The following SHC4 variants were observed in gnomAD, a reference collection of about 807,000 sequenced individuals.
The protein encoded by SHC4 is SHC adaptor protein 4, also known as SHC-transforming protein 4.
SHC4 carries 41 observed loss-of-function variants against 69.4 expected under a neutral mutation model. The observed-to-expected ratio is 0.59, with a 90% CI of 0.46 to 0.77. The LOEUF is 0.77. SHC4 is among the 30% of genes least tolerant of loss of function. SHC4 has a pLI of 0.00. For missense variants in SHC4, 777 were observed against 783.8 expected, an observed-to-expected ratio of 0.99 and a Z score of 0.10; for synonymous variants, 318 against 299.3, an observed-to-expected ratio of 1.06 and a Z score of -0.64.
At chr15:48,907,171 A>C (rs1405953476) in intron 2 of SHC4, among the ~76,000 whole-genome samples, 1 of 151,670 alleles carries the variant, frequency 6.6e-6, no homozygotes, top group Non-Finnish European at 1.5e-5. Context: ...CAGAGGATTG[A>C]CCTTACCAAT....
At chr15:48,890,923 A>G in intron 2 of SHC4, 112 bp from the exon 3 acceptor site, 2 of 1,092,120 alleles carry the variant, frequency 1.8e-6, no homozygotes, top group Admixed American at 3.9e-5. Flanking sequence ...CATAATAGTG[A>G]GTCTAACACA....
At chr15:48,843,697 T>C (rs867859774) in intron 9 of SHC4, 109 bp from the exon 10 acceptor site, 3 of 952,678 alleles carry the variant, frequency 3.1e-6, no homozygotes, top group Middle Eastern at 3.5e-4. Context: ...TGCCCCACCC[T>C]ATACAATGAT....
chr15:48,885,081 A>G (rs1292030298), intron 3 of SHC4, among the ~76,000 whole-genome samples: 7 of 152,240 alleles, frequency 4.6e-5, no homozygotes, highest in African/African-American at 1.7e-4. Context: ...ATGTTTTGAT[A>G]AAAGTCAAAA....
At chr15:48,938,791 G>A (rs1901121339) in intron 1 of SHC4, among the ~76,000 whole-genome samples, 1 of 152,202 alleles carries the variant, frequency 6.6e-6, no homozygotes, top group Non-Finnish European at 1.5e-5. Flanking sequence ...TGTTAACATA[G>A]AATGACCTGC....
chr15:48,857,621 CAAAT>C (rs988752800), intron 7 of SHC4, 67 bp downstream of exon 7: 11 of 1,315,638 alleles, frequency 8.4e-6, no homozygotes, highest in Non-Finnish European at 1.1e-5. Context: ...TATACACACA[CAAAT>C]AAATACATAC....
intron 1 of SHC4, 40 bp from the exon 2 acceptor site, chr15:48,924,989 T>A: frequency 6.2e-7 from 1 of 1,608,152 alleles, no homozygotes; most frequent in Non-Finnish European, 8.5e-7. Context: ...AGGACAAAAA[T>A]TCCAAGAAGC....
chr15:48,932,252 G>A (rs1900979989), intron 1 of SHC4, among the ~76,000 whole-genome samples: 1 of 152,096 alleles, frequency 6.6e-6, no homozygotes, highest in African/African-American at 2.4e-5. Flanking sequence ...AAACTTTAGA[G>A]AACTTAAGAA....
At chr15:48,910,251 C>T (rs929091021) in intron 2 of SHC4, among the ~76,000 whole-genome samples, 7 of 151,938 alleles carry the variant, frequency 4.6e-5, no homozygotes, top group African/African-American at 1.7e-4. Flanking sequence ...TGTTATTGGT[C>T]TGTTCGGGGT....
At chr15:48,929,168 G>A (rs1900908823) in intron 1 of SHC4, among the ~76,000 whole-genome samples, 2 of 152,132 alleles carry the variant, frequency 1.3e-5, no homozygotes, top group African/African-American at 4.8e-5. Context: ...AGCGGGGAGG[G>A]GGCGGTGCAT....
At chr15:48,950,962 T>C (rs1901356132) in intron 1 of SHC4, among the ~76,000 whole-genome samples, 1 of 151,944 alleles carries the variant, frequency 6.6e-6, no homozygotes, top group South Asian at 2.1e-4. Context: ...TCCTGGAAAC[T>C]CTCTCCACCC....
intron 2 of SHC4, among the ~76,000 whole-genome samples, chr15:48,922,382 C>T (rs1185977333): frequency 2.0e-5 from 3 of 152,218 alleles, no homozygotes; most frequent in Admixed American, 2.0e-4. Flanking sequence ...GCTGCTATAA[C>T]AAAATACCCC....
Position 48,928,345 on chromosome 15 carries a change from G to C in SHC4, c.586-3396C>G, listed in dbSNP as rs377453205. On this transcript the variant is annotated intron_variant, in intron 1 of 11. Coordinates refer to ENST00000332408, the MANE Select transcript of SHC4 (RefSeq NM_203349.4). Reference sequence around the variant, plus strand: ...CAGGCGGGCTATAAGCTGTGGGTGGGAACAGCCCTGGATGATAGAGTTGAC... The same window carrying C: ...CAGGCGGGCTATAAGCTGTGGGTGGCAACAGCCCTGGATGATAGAGTTGAC... 2.5e-4 allele frequency among the ~76,000 whole-genome samples: 38 copies of C among 152,302 alleles called. No homozygotes were observed. The East Asian group carries it at 7.3e-3, about 29-fold the overall frequency.
At chr15:48,846,029 C>A (rs892792535) in intron 9 of SHC4, among the ~76,000 whole-genome samples, 1 of 151,426 alleles carries the variant, frequency 6.6e-6, no homozygotes, top group Admixed American at 6.6e-5. Flanking sequence ...GTTGACATCT[C>A]ACCCTGTCAC....
At chr15:48,942,698 A>G (rs551692832) in intron 1 of SHC4, among the ~76,000 whole-genome samples, 1 of 152,332 alleles carries the variant, frequency 6.6e-6, no homozygotes, top group African/African-American at 2.4e-5. Flanking sequence ...ACATAGATTG[A>G]TGTAAGTAAT....
chr15:48,929,127 C>A (rs1327083904), intron 1 of SHC4, among the ~76,000 whole-genome samples: 2 of 152,264 alleles, frequency 1.3e-5, no homozygotes, highest in Non-Finnish European at 2.9e-5. Flanking sequence ...CTCACACAAT[C>A]CATTTCACTT....
At chr15:48,897,810 GAGTAGTTCC>G (rs1312027143) in intron 2 of SHC4, among the ~76,000 whole-genome samples, 3 of 145,486 alleles carry the variant, frequency 2.1e-5, no homozygotes, top group South Asian at 4.4e-4. Flanking sequence ...TGCAGTGAAG[GAGTAGTTCC>G]AGTTTTGTCC....
chr15:48,832,515 AG>A lies in SHC4; in HGVS notation c.1737+2253del, dbSNP rs1234921829. Among the ~76,000 whole-genome samples, 8 of 152,250 alleles carry A rather than the reference AG, an allele frequency of 5.3e-5. No homozygotes were observed. In the South Asian group the frequency reaches 8.3e-4, roughly 16 times the overall value. On this transcript the variant is annotated intron_variant, in intron 11 of 11. Transcript: ENST00000332408. Reference sequence around the variant, plus strand: ...TAATGTATCATGATGTGAATGTCTTAGGGTTCCTCATAGTTGGAGTCCATTG... The same window carrying A: ...TAATGTATCATGATGTGAATGTCTTAGGTTCCTCATAGTTGGAGTCCATTG...
At chr15:48,932,431 C>T (rs1900983058) in intron 1 of SHC4, among the ~76,000 whole-genome samples, 1 of 152,142 alleles carries the variant, frequency 6.6e-6, no homozygotes, top group Non-Finnish European at 1.5e-5. Context: ...AGGAAAAGAT[C>T]CAGCTTTCTT....
chr15:48,870,525 G>A (rs916980401), intron 5 of SHC4, among the ~76,000 whole-genome samples: 1 of 152,154 alleles, frequency 6.6e-6, no homozygotes, highest in African/African-American at 2.4e-5. Context: ...AAAAGATGAG[G>A]AAGTAGTAAA....
Sources: gnomAD v4.1 joint callset for allele counts (sites outside exome capture counted in the v4.1 genomes callset) on GRCh38, gnomAD v4.1.1 for gene constraint, MANE v1.5 for transcripts, NCBI Gene and HGNC (gene_info 2026-07-23, HGNC 2026-07-21) for gene names.